STAG1: variants seen among roughly 807,000 people sequenced by gnomAD.
STAG1 encodes the protein STAG1 cohesin complex component.
In STAG1, 26 loss-of-function variants were observed where a neutral mutation model predicts 170.9. That is an observed-to-expected ratio of 0.15 (90% confidence interval 0.11 to 0.21). The LOEUF is 0.21. STAG1 is among the 10% of genes least tolerant of loss of function. The pLI is 1.00. For missense variants in STAG1, 964 were observed against 1,509.5 expected (o/e 0.64, Z 5.99); for synonymous variants, 514 against 497.7 (o/e 1.03, Z -0.44).
chr3:136,718,470 A>T (rs985848864), intron 1 of STAG1, among the ~76,000 whole-genome samples: 12 of 152,184 alleles, frequency 7.9e-5, no homozygotes, highest in African/African-American at 2.9e-4. Context: ...CTAGGTTTTA[A>T]TCATTAAACA....
chr3:136,684,885 C>T (rs1361369680), intron 1 of STAG1, among the ~76,000 whole-genome samples: 1 of 151,806 alleles, frequency 6.6e-6, no homozygotes, highest in Admixed American at 6.6e-5. Flanking sequence ...ATTAAAGACC[C>T]AAATGTAAAA....
At chr3:136,413,235 T>C (rs2087676882) in intron 21 of STAG1, among the ~76,000 whole-genome samples, 1 of 148,242 alleles carries the variant, frequency 6.7e-6, no homozygotes, top group Non-Finnish European at 1.5e-5. Context: ...ATTTATATAA[T>C]GTATACTATA....
At chr3:136,573,507 G>T (rs1249200095) in intron 4 of STAG1, among the ~76,000 whole-genome samples, 2 of 151,876 alleles carry the variant, frequency 1.3e-5, no homozygotes, top group Non-Finnish European at 2.9e-5. Context: ...GGATAATACA[G>T]TAACATATTT....
intron 1 of STAG1, among the ~76,000 whole-genome samples, chr3:136,666,296 C>T (rs1012351409): frequency 6.6e-6 from 1 of 151,854 alleles, no homozygotes; most frequent in African/African-American, 2.4e-5. Context: ...GCCAACACCT[C>T]GATTTTGGTC....
chr3:136,469,143 C>T lies in STAG1; in HGVS notation c.1205+3270G>A, dbSNP rs1038090955. On this transcript the variant is annotated intron_variant, in intron 12 of 33. Transcript: ENST00000383202. Reference sequence around the variant, plus strand: ...TGTTGGAAGTTCTGGCCAGGGCAATCAGGCAGGAGAAGGAAATAAAGGGTA... The same window carrying T: ...TGTTGGAAGTTCTGGCCAGGGCAATTAGGCAGGAGAAGGAAATAAAGGGTA... Among the ~76,000 whole-genome samples, 141 of 152,236 alleles carry T rather than the reference C, an allele frequency of 9.3e-4. 2 individuals carry two copies. Among genetic ancestry groups the T allele is most frequent in the African/African-American group, 1.3e-3 (55 of 41,546 alleles).
intron 2 of STAG1, among the ~76,000 whole-genome samples, chr3:136,627,221 T>C (rs1312942945): frequency 6.6e-6 from 1 of 152,188 alleles, no homozygotes; most frequent in African/African-American, 2.4e-5. Flanking sequence ...GTATGTTTAA[T>C]TATTAAGACA....
intron 1 of STAG1, among the ~76,000 whole-genome samples, chr3:136,687,545 G>C (rs944053198): frequency 1.3e-5 from 2 of 151,962 alleles, no homozygotes; most frequent in Non-Finnish European, 2.9e-5. Context: ...TACAAAATCT[G>C]AATAGTTGCA....
chr3:136,377,432 C>G (rs1231849265), intron 23 of STAG1, among the ~76,000 whole-genome samples: 4 of 144,236 alleles, frequency 2.8e-5, no homozygotes, highest in Non-Finnish European at 6.0e-5. Context: ...GCCCTTCCAG[C>G]TGATGACAGT....
chr3:136,697,440 A>T (rs1942931372), intron 1 of STAG1, among the ~76,000 whole-genome samples: 1 of 152,180 alleles, frequency 6.6e-6, no homozygotes, highest in African/African-American at 2.4e-5. Context: ...ACAGTTTAAG[A>T]ATCACTATCT....
intron 9 of STAG1, among the ~76,000 whole-genome samples, chr3:136,495,772 T>C (rs1266446578): frequency 6.6e-6 from 1 of 151,672 alleles, no homozygotes; most frequent in East Asian, 1.9e-4. Context: ...ATCAAGACCA[T>C]CCTGGATAAC....
At chr3:136,576,485 AATG>A (rs1431180873) in intron 4 of STAG1, among the ~76,000 whole-genome samples, 2 of 152,226 alleles carry the variant, frequency 1.3e-5, no homozygotes. Context: ...TATGACAAAA[AATG>A]ATGACATTTG....
intron 22 of STAG1, among the ~76,000 whole-genome samples, chr3:136,397,270 G>A (rs919082031): frequency 2.6e-5 from 4 of 152,100 alleles, no homozygotes; most frequent in Admixed American, 2.6e-4. Flanking sequence ...TTTTTTGTCT[G>A]ATTCTCTTCA....
chr3:136,607,245 G>T (rs996377680), intron 3 of STAG1, among the ~76,000 whole-genome samples: 5 of 152,090 alleles, frequency 3.3e-5, no homozygotes, highest in African/African-American at 1.2e-4. Flanking sequence ...GGGGTAGGAA[G>T]TTCCACTCCA....
At chr3:136,468,385 G>A (rs945464364) in intron 12 of STAG1, among the ~76,000 whole-genome samples, 4 of 152,118 alleles carry the variant, frequency 2.6e-5, no homozygotes, top group African/African-American at 7.2e-5. Context: ...ACACCTCTAC[G>A]CAAATAAACT....
chr3:136,732,462 T>C (rs1358417406), intron 1 of STAG1, among the ~76,000 whole-genome samples: 4 of 152,110 alleles, frequency 2.6e-5, no homozygotes, highest in Non-Finnish European at 5.9e-5. Flanking sequence ...CAAAGAAGCA[T>C]TACAATGTCT....
chr3:136,587,541 C>CCAAAA (rs1937895032), intron 4 of STAG1, among the ~76,000 whole-genome samples: 1 of 60,788 alleles, frequency 1.6e-5, no homozygotes, highest in Non-Finnish European at 3.0e-5. Flanking sequence ...AACTCCATCT[C>CCAAAA]AAAAAAAAAA....
intron 3 of STAG1, among the ~76,000 whole-genome samples, chr3:136,616,412 G>A (rs1303934479): frequency 6.6e-6 from 1 of 152,074 alleles, no homozygotes; most frequent in African/African-American, 2.4e-5. Flanking sequence ...CATAATTAAG[G>A]AAGTCAGAAC....
intron 1 of STAG1, among the ~76,000 whole-genome samples, chr3:136,726,170 A>G (rs890418171): frequency 6.6e-6 from 1 of 152,092 alleles, no homozygotes; most frequent in Non-Finnish European, 1.5e-5. Context: ...TTGGGCCAAT[A>G]GTTGTTTACT....
intron 29 of STAG1, among the ~76,000 whole-genome samples, chr3:136,348,523 C>T (rs1936318974): frequency 6.6e-6 from 1 of 152,116 alleles, no homozygotes. Flanking sequence ...ATTCTCCCAC[C>T]TCGGCTTCCC....
Sources: allele counts gnomAD v4.1 joint callset (sites outside exome capture counted in the v4.1 genomes callset), GRCh38; gene constraint gnomAD v4.1.1; transcripts MANE v1.5; gene names NCBI Gene and HGNC (gene_info 2026-07-23, HGNC 2026-07-21).